DOCK4: variants seen among roughly 807,000 people sequenced by gnomAD.
The protein encoded by DOCK4 is dedicator of cytokinesis 4.
In DOCK4, 97 loss-of-function variants were observed where a neutral mutation model predicts 268.1. The observed-to-expected ratio is 0.36, with a 90% CI of 0.31 to 0.43. DOCK4 has a LOEUF of 0.43. Among genes scored for constraint, DOCK4 ranks in the 20% least tolerant of loss-of-function variants. The pLI, the probability that DOCK4 is intolerant of heterozygous loss-of-function variation, is 1.00. For missense variants in DOCK4, 2,145 were observed against 2,455.7 expected, an observed-to-expected ratio of 0.87 and a Z score of 2.67; for synonymous variants, 954 against 887.2, an observed-to-expected ratio of 1.08 and a Z score of -1.34.
chr7:111,876,999 T>C (rs1806947185), intron 17 of DOCK4, 31 bp downstream of exon 17: 1 of 1,435,372 alleles, frequency 7.0e-7, no homozygotes, highest in Non-Finnish European at 9.2e-7. Context: ...TATTAGGTAC[T>C]AGGGCTTTCA....
intron 10 of DOCK4, 39 bp from the exon 11 acceptor site, chr7:111,940,281 T>C (rs1562916586): frequency 6.2e-7 from 1 of 1,613,282 alleles, no homozygotes; most frequent in South Asian, 1.1e-5. Flanking sequence ...CATGGAGCCA[T>C]TTGATTAGAT....
At chr7:112,180,460 T>C (rs1818924796) in intron 1 of DOCK4, among the ~76,000 whole-genome samples, 1 of 152,138 alleles carries the variant, frequency 6.6e-6, no homozygotes. Flanking sequence ...TTTCCCAAGT[T>C]TGGAAGTAAG....
intron 1 of DOCK4, among the ~76,000 whole-genome samples, chr7:112,110,654 G>A (rs1256238635): frequency 2.0e-5 from 3 of 152,214 alleles, no homozygotes; most frequent in African/African-American, 7.2e-5. Flanking sequence ...TGGTGGCCCT[G>A]CTTTCAGGGG....
At chr7:111,761,021 A>T (rs1797369328) in intron 39 of DOCK4, among the ~76,000 whole-genome samples, 1 of 151,578 alleles carries the variant, frequency 6.6e-6, no homozygotes, top group South Asian at 2.1e-4. Flanking sequence ...AGTGCCCCCT[A>T]CAACACCCCA....
intron 15 of DOCK4, among the ~76,000 whole-genome samples, chr7:111,899,349 T>A (rs1465834145): frequency 6.6e-6 from 1 of 152,172 alleles, no homozygotes. Context: ...AAAATGTGAT[T>A]CTCCTGTATC....
chr7:112,025,101 T>C (rs1027473030), intron 1 of DOCK4, among the ~76,000 whole-genome samples: 45 of 152,334 alleles, frequency 3.0e-4, no homozygotes, highest in African/African-American at 8.2e-4. Context: ...TTTAGTGACA[T>C]TGATGATAGT....
At chr7:111,781,850 A>G (rs1313920755) in intron 35 of DOCK4, among the ~76,000 whole-genome samples, 5 of 152,214 alleles carry the variant, frequency 3.3e-5, no homozygotes, top group African/African-American at 1.2e-4. Context: ...AAGAAAAGAC[A>G]AAATCAAAGT....
intron 1 of DOCK4, among the ~76,000 whole-genome samples, chr7:112,103,811 G>C (rs563484378): frequency 1.1e-4 from 16 of 152,304 alleles, no homozygotes; most frequent in African/African-American, 3.9e-4. Flanking sequence ...GAGCCTGGGA[G>C]GCGAAGGTTG....
intron 1 of DOCK4, among the ~76,000 whole-genome samples, chr7:112,056,319 A>C (rs186276827): frequency 1.5e-3 from 235 of 152,338 alleles, no homozygotes; most frequent in African/African-American, 5.2e-3. Context: ...ACAGGAGAAC[A>C]TATTAAAATT....
chr7:111,796,272 C>T (rs1299915645), intron 30 of DOCK4, among the ~76,000 whole-genome samples: 1 of 152,228 alleles, frequency 6.6e-6, no homozygotes, highest in Non-Finnish European at 1.5e-5. Context: ...ACACAACCCT[C>T]AGACCTGTGC....
intron 10 of DOCK4, among the ~76,000 whole-genome samples, chr7:111,944,530 T>C (rs1315750493): frequency 6.6e-6 from 1 of 152,168 alleles, no homozygotes; most frequent in African/African-American, 2.4e-5. Context: ...AATTTTTGAA[T>C]CAAATATGTT....
chr7:111,861,526 C>CA (rs1468360746), intron 23 of DOCK4, among the ~76,000 whole-genome samples: 2 of 151,652 alleles, frequency 1.3e-5, no homozygotes, highest in Non-Finnish European at 2.9e-5. Flanking sequence ...GTGGGTGGAT[C>CA]ACCTGAGGTC....
intron 6 of DOCK4, among the ~76,000 whole-genome samples, chr7:111,985,443 T>G (rs1415107552): frequency 6.6e-6 from 1 of 152,164 alleles, no homozygotes. Flanking sequence ...ACACTTCCAA[T>G]TATAGAACCA....
intron 1 of DOCK4, among the ~76,000 whole-genome samples, chr7:112,023,084 C>A (rs907121504): frequency 6.6e-6 from 1 of 152,092 alleles, no homozygotes; most frequent in African/African-American, 2.4e-5. Flanking sequence ...CCCGCCACCA[C>A]GCCCAGCTAA....
Position 112,036,699 on chromosome 7 carries a change from C to T in DOCK4, c.38-32568G>A, listed in dbSNP as rs139691713. Among the ~76,000 whole-genome samples, 596 of 147,222 alleles carry T rather than the reference C, an allele frequency of 4.0e-3. 9 individuals are homozygous for T. The highest frequency in any genetic ancestry group is 0.034 in the Admixed American group (494 of 14,616). On this transcript the variant is annotated intron_variant, in intron 1 of 52. Coordinates refer to ENST00000428084, the MANE Select transcript of DOCK4 (RefSeq NM_001363540.2). ...TTCCGGAGACGGAGTCTCGCTCCAT[C>T]GCCCAGGCTGGAGTGCAGTGGCATG...
chr7:111,746,504 T>C lies in DOCK4; in HGVS notation c.4594-87A>G, dbSNP rs1585858586. 15 of 1,044,752 alleles carry C rather than the reference T, an allele frequency of 1.4e-5. No homozygotes were observed. The East Asian group carries it at 3.6e-4, about 25-fold the overall frequency. 64.7% of individuals were successfully genotyped at this position (1,044,752 alleles called of 1,614,324 possible). On this transcript the variant is annotated intron_variant, in intron 43 of 52. Coordinates refer to ENST00000428084, the MANE Select transcript of DOCK4 (RefSeq NM_001363540.2). ...TGTTTTTAAAGACCTGGCATCTTTATGGAAATGACACCATTACAAACCACA... is the reference window on the plus strand; with the variant it reads ...TGTTTTTAAAGACCTGGCATCTTTACGGAAATGACACCATTACAAACCACA...
intron 15 of DOCK4, 82 bp downstream of exon 15, chr7:111,900,291 TC>T: frequency 6.9e-7 from 1 of 1,456,686 alleles, no homozygotes; most frequent in Non-Finnish European, 9.3e-7. Flanking sequence ...CAACTTAAGA[TC>T]AACCCACATC....
chr7:112,119,887 A>T (rs550920376), intron 1 of DOCK4, among the ~76,000 whole-genome samples: 8 of 149,956 alleles, frequency 5.3e-5, no homozygotes, highest in Admixed American at 1.3e-4. Context: ...TCACTCTGTC[A>T]CCCAGGCTGG....
chr7:111,877,307 G>T, intron 16 of DOCK4, 121 bp from the exon 17 acceptor site: 2 of 930,130 alleles, frequency 2.2e-6, no homozygotes, highest in East Asian at 3.3e-5. Flanking sequence ...ATTACAAGTA[G>T]AATTTGGTTT....
Sources: gnomAD v4.1 joint callset for allele counts (sites outside exome capture counted in the v4.1 genomes callset) on GRCh38, gnomAD v4.1.1 for gene constraint, MANE v1.5 for transcripts, NCBI Gene and HGNC (gene_info 2026-07-23, HGNC 2026-07-21) for gene names.